TMEM132C: variants seen among roughly 807,000 people sequenced by gnomAD.
The protein encoded by TMEM132C is protein phosphatase 1, regulatory subunit 152.
Under a neutral mutation model 61.4 loss-of-function variants are expected in TMEM132C, and 29 were observed. The ratio of observed to expected loss-of-function variants is 0.47; its 90% confidence interval spans 0.35 to 0.64. The LOEUF (loss-of-function observed/expected upper bound fraction) is 0.64, where lower values mean the gene tolerates loss of function less well. Among genes scored for constraint, TMEM132C ranks in the 30% least tolerant of loss-of-function variants. TMEM132C has a pLI of 0.00. For missense variants in TMEM132C, 1,408 were observed against 1,476.9 expected, an observed-to-expected ratio of 0.95 and a Z score of 0.76; for synonymous variants, 656 against 633.1, an observed-to-expected ratio of 1.04 and a Z score of -0.54.
At chr12:128,416,857 G>A (rs1242465325) in intron 2 of TMEM132C, among the ~76,000 whole-genome samples, 2 of 152,140 alleles carry the variant, frequency 1.3e-5, no homozygotes, top group Non-Finnish European at 2.9e-5. Context: ...TTGGAGGACT[G>A]CTATGACACC....
chr12:128,597,119 T>C (rs1875994647), intron 3 of TMEM132C, among the ~76,000 whole-genome samples: 1 of 152,156 alleles, frequency 6.6e-6, no homozygotes, highest in Admixed American at 6.5e-5. Context: ...TATATACCCT[T>C]CTGCAATGTT....
chr12:128,688,049 G>C lies in TMEM132C; in HGVS notation c.1450-5780G>C, dbSNP rs200645550. 1.4e-4 allele frequency among the ~76,000 whole-genome samples: 22 copies of C among 152,344 alleles called. No homozygotes were observed. The East Asian group carries it at 4.2e-3, about 29-fold the overall frequency. Reference sequence around the variant, plus strand: ...CAGCCTTTCCGAGTGGCCCCTGGGGGATGGGATGAGGAAACGTGGGCAGAG... The same window carrying C: ...CAGCCTTTCCGAGTGGCCCCTGGGGCATGGGATGAGGAAACGTGGGCAGAG... On this transcript the variant is annotated intron_variant, in intron 5 of 8. Transcript: ENST00000435159.
intron 4 of TMEM132C, among the ~76,000 whole-genome samples, chr12:128,660,479 G>A (rs942740883): frequency 6.6e-6 from 1 of 152,166 alleles, no homozygotes. Flanking sequence ...GGCTAGAAAC[G>A]CCTCTTAAGT....
intron 2 of TMEM132C, among the ~76,000 whole-genome samples, chr12:128,462,508 G>C (rs1396809105): frequency 5.9e-5 from 9 of 152,166 alleles, no homozygotes; most frequent in African/African-American, 2.2e-4. Flanking sequence ...TCCCAAAATT[G>C]TTTGTAATGT....
chr12:128,505,933 C>G (rs1872341731), intron 2 of TMEM132C, among the ~76,000 whole-genome samples: 2 of 152,148 alleles, frequency 1.3e-5, no homozygotes, highest in Admixed American at 1.3e-4. Context: ...CTCCCAGTCC[C>G]CATGTTTTAG....
At chr12:128,476,401 C>T (rs1035226429) in intron 2 of TMEM132C, among the ~76,000 whole-genome samples, 1 of 152,066 alleles carries the variant, frequency 6.6e-6, no homozygotes, top group East Asian at 1.9e-4. Context: ...GGCCACAGAA[C>T]GAAGCTTAAT....
At position 128,364,841 on chromosome 12, in the gene TMEM132C, G is replaced by A. The variant is rs142076803; in HGVS notation, c.86-49891G>A. 2.2e-3 allele frequency among the ~76,000 whole-genome samples: 338 copies of A among 152,306 alleles called. 2 individuals are homozygous for A. Among genetic ancestry groups the A allele is most frequent in the South Asian group, 5.0e-3 (24 of 4,824 alleles). On this transcript the variant is annotated intron_variant, in intron 1 of 8. Coordinates refer to ENST00000435159, the MANE Select transcript of TMEM132C (RefSeq NM_001136103.3). ...CTAATTTGACAAAGAGCCATGCCCA[G>A]CATTCTGAGTGTTGCACTCAGAAAG...
chr12:128,694,386 A>G (rs1204544473), intron 6 of TMEM132C, among the ~76,000 whole-genome samples: 1 of 152,218 alleles, frequency 6.6e-6, no homozygotes, highest in Non-Finnish European at 1.5e-5. Flanking sequence ...TGCTTTATGC[A>G]TATCTATAAG....
At chr12:128,482,642 T>G (rs1330415927) in intron 2 of TMEM132C, among the ~76,000 whole-genome samples, 2 of 152,188 alleles carry the variant, frequency 1.3e-5, no homozygotes, top group Non-Finnish European at 2.9e-5. Context: ...AATTACTGCC[T>G]CAATTTCAGA....
At position 128,487,497 on chromosome 12, in the gene TMEM132C, C is replaced by T. The variant is rs73159876; in HGVS notation, c.975-56460C>T. Among the ~76,000 whole-genome samples, 568 of 150,002 alleles carry T rather than the reference C, an allele frequency of 3.8e-3. 2 individuals carry two copies. The highest frequency in any genetic ancestry group is 5.8e-3 in the Non-Finnish European group (392 of 67,672). ...GCGTGTGTGTGTGTGTGTGTGTATG[C>T]CTGCATGTATATGTGCATATATACA... is the stretch of plus-strand genomic sequence containing the variant. On this transcript the variant is annotated intron_variant, in intron 2 of 8. Transcript: ENST00000435159.
intron 4 of TMEM132C, among the ~76,000 whole-genome samples, chr12:128,665,209 A>G (rs1475980578): frequency 6.6e-6 from 1 of 151,226 alleles, no homozygotes; most frequent in Non-Finnish European, 1.5e-5. Flanking sequence ...CCATATGTAA[A>G]CAGACACTCA....
chr12:128,648,089 C>T (rs1954227549), intron 4 of TMEM132C, among the ~76,000 whole-genome samples: 6 of 144,050 alleles, frequency 4.2e-5, no homozygotes, highest in South Asian at 2.3e-4. Flanking sequence ...TTTACTAGAT[C>T]CCATCAGCAT....
intron 2 of TMEM132C, among the ~76,000 whole-genome samples, chr12:128,449,124 G>A (rs1370147658): frequency 1.6e-5 from 2 of 123,376 alleles, no homozygotes; most frequent in African/African-American, 6.7e-5. Context: ...GAGGCAGAGC[G>A]AGACTCTGTC....
At chr12:128,268,305 G>A (rs1015639915) in intron 1 of TMEM132C, among the ~76,000 whole-genome samples, 3 of 152,242 alleles carry the variant, frequency 2.0e-5, no homozygotes, top group African/African-American at 7.2e-5. Context: ...GTAGCCGTGT[G>A]GTTTTTCCGA....
intron 1 of TMEM132C, among the ~76,000 whole-genome samples, chr12:128,406,454 A>G (rs1875348033): frequency 6.6e-6 from 1 of 152,158 alleles, no homozygotes; most frequent in South Asian, 2.1e-4. Flanking sequence ...CACACAAACA[A>G]ATATAAAATT....
chr12:128,534,259 A>C (rs531715134), intron 2 of TMEM132C, among the ~76,000 whole-genome samples: 10 of 152,214 alleles, frequency 6.6e-5, no homozygotes, highest in Non-Finnish European at 1.2e-4. Context: ...AGCATCAGTG[A>C]TCAACGTGCC....
intron 2 of TMEM132C, among the ~76,000 whole-genome samples, chr12:128,517,087 C>T (rs917696781): frequency 9.9e-5 from 15 of 151,300 alleles, no homozygotes; most frequent in Non-Finnish European, 5.9e-5. Context: ...AAAAATTAGC[C>T]AGGTGTGGTG....
chr12:128,504,520 T>C (rs955545560), intron 2 of TMEM132C, among the ~76,000 whole-genome samples: 1 of 152,162 alleles, frequency 6.6e-6, no homozygotes, highest in African/African-American at 2.4e-5. Context: ...TTTATTCATT[T>C]CTGGAGGCTG....
In TMEM132C at chr12:128,414,748, G is replaced by A. The variant is rs1868693841; in HGVS notation, c.102G>A (p.Gly34=). Residue 34 remains glycine, a synonymous_variant, in exon 2 of 9, where the codon GGG becomes GGA. Transcript: ENST00000435159. The part of the protein sequence containing the change: ...ALLGKVIEGH[G]VTDNIQRFSS... ...CCTTTTTAGTGATAGAGGGTCACGGGGTCACAGACAACATACAGAGATTCT... is the reference window on the plus strand; with the variant it reads ...CCTTTTTAGTGATAGAGGGTCACGGAGTCACAGACAACATACAGAGATTCT... The A allele has an allele frequency of 6.5e-7, 1 of 1,527,918 alleles. No individual in the cohort carries two copies. Among genetic ancestry groups the A allele is most frequent in the Non-Finnish European group, 8.8e-7 (1 of 1,140,348 alleles). The allele number at this position is 1,527,918 out of a possible 1,614,324, so 94.6% of individuals were successfully genotyped here.
Sources: gnomAD v4.1 joint callset for allele counts (sites outside exome capture counted in the v4.1 genomes callset) on GRCh38, gnomAD v4.1.1 for gene constraint, MANE v1.5 for transcripts, NCBI Gene and HGNC (gene_info 2026-07-23, HGNC 2026-07-21) for gene names.